The following KIAA1328 variants were observed in gnomAD, a reference collection of about 807,000 sequenced individuals.
KIAA1328 encodes protein hinderin.
In KIAA1328, 52 loss-of-function variants were observed where a neutral mutation model predicts 68.1. The observed-to-expected ratio is 0.76, with a 90% confidence interval of 0.61 to 0.96. The LOEUF is 0.96. Ranked by LOEUF, KIAA1328 falls within the 40% of genes least tolerant of loss-of-function variation. The pLI, the probability that KIAA1328 is intolerant of heterozygous loss-of-function variation, is 0.00. For synonymous variants in KIAA1328, 232 were observed against 239.4 expected, an observed-to-expected ratio of 0.97 and a Z score of 0.28; for missense variants, 641 against 677.6, an observed-to-expected ratio of 0.95 and a Z score of 0.60.
At chr18:36,978,222 GT>G (rs2052548097) in intron 6 of KIAA1328, among the ~76,000 whole-genome samples, 1 of 152,178 alleles carries the variant, frequency 6.6e-6, no homozygotes, top group Admixed American at 6.5e-5. Flanking sequence ...GACAACTACT[GT>G]GAAATGTTAT....
chr18:36,995,589 A>G (rs1420939847), intron 6 of KIAA1328, among the ~76,000 whole-genome samples: 1 of 152,194 alleles, frequency 6.6e-6, no homozygotes, highest in African/African-American at 2.4e-5. Context: ...ACAAGTTTCA[A>G]ATGAAAAAAT....
chr18:36,922,179 A>G (rs537281815), intron 5 of KIAA1328, among the ~76,000 whole-genome samples: 6 of 152,196 alleles, frequency 3.9e-5, no homozygotes, highest in Admixed American at 3.3e-4. Flanking sequence ...ATTTAATACT[A>G]TTCTTAGGTT....
chr18:37,073,139 G>A (rs992293659), intron 7 of KIAA1328, among the ~76,000 whole-genome samples: 1 of 152,216 alleles, frequency 6.6e-6, no homozygotes, highest in African/African-American at 2.4e-5. Context: ...GAAAGCAATT[G>A]CAACAGAAGC....
chr18:37,118,689 T>C (rs921630809), intron 7 of KIAA1328, among the ~76,000 whole-genome samples: 1 of 152,222 alleles, frequency 6.6e-6, no homozygotes, highest in Non-Finnish European at 1.5e-5. Context: ...TTGTGTCTCC[T>C]GTTGGAAGTA....
chr18:37,018,801 G>T (rs1302314454), intron 6 of KIAA1328, among the ~76,000 whole-genome samples: 4 of 151,266 alleles, frequency 2.6e-5, no homozygotes, highest in Admixed American at 6.6e-5. Context: ...TTTTTTTAAT[G>T]ATTTTTATGT....
chr18:36,912,431 A>T (rs1191158704), intron 5 of KIAA1328, among the ~76,000 whole-genome samples: 1 of 151,552 alleles, frequency 6.6e-6, no homozygotes, highest in Non-Finnish European at 1.5e-5. Flanking sequence ...CTTCTCTATT[A>T]TAAGGACTCC....
intron 5 of KIAA1328, chr18:36,924,054 C>T (rs2050025114): frequency 6.6e-6 from 1 of 152,008 alleles, no homozygotes; most frequent in Non-Finnish European, 1.5e-5. Context: ...TAGGGGACAC[C>T]AGCTAGGGTA....
chr18:36,850,258 G>T (rs1271107361), intron 4 of KIAA1328, among the ~76,000 whole-genome samples: 2 of 151,798 alleles, frequency 1.3e-5, no homozygotes, highest in Non-Finnish European at 1.5e-5. Context: ...TAAATGAGAT[G>T]GTTTTCTTAG....
Position 36,959,339 on chromosome 18 carries a change from A to G in KIAA1328, c.480A>G (p.Glu160=), listed in dbSNP as rs763504156. Residue 160 remains glutamate (E), a synonymous_variant, in exon 6 of 10, where the codon GAA becomes GAG. Coordinates refer to ENST00000280020, the MANE Select transcript of KIAA1328 (RefSeq NM_020776.3). ...AGCTACAGTATAGAGAATGCCAAGA[A>G]CTTCTAAGCCTGTATCAGAAATATT... is the stretch of plus-strand genomic sequence containing the variant. ...ALQLQYRECQ[E]LLSLYQKYLS... 1.2e-6 allele frequency: 2 copies of G among 1,603,162 alleles called. No individual in the cohort carries two copies. The highest frequency in any genetic ancestry group is 1.7e-5 in the Admixed American group (1 of 57,946).
At chr18:36,882,124 A>T (rs1436325034) in intron 4 of KIAA1328, among the ~76,000 whole-genome samples, 1 of 152,184 alleles carries the variant, frequency 6.6e-6, no homozygotes, top group East Asian at 1.9e-4. Flanking sequence ...CTTTTTTATT[A>T]ACAGTTTAAA....
intron 7 of KIAA1328, among the ~76,000 whole-genome samples, chr18:37,149,642 G>A (rs909928501): frequency 6.6e-6 from 1 of 152,042 alleles, no homozygotes. Flanking sequence ...TATAGAAAAG[G>A]TATAGTAAAA....
chr18:37,065,121 C>T (rs890483437), intron 6 of KIAA1328, among the ~76,000 whole-genome samples: 3 of 152,120 alleles, frequency 2.0e-5, no homozygotes, highest in African/African-American at 7.2e-5. Context: ...AAAAGTGAGA[C>T]TATTTCAGAG....
At chr18:37,138,794 G>A (rs2058700350) in intron 7 of KIAA1328, among the ~76,000 whole-genome samples, 1 of 151,944 alleles carries the variant, frequency 6.6e-6, no homozygotes, top group African/African-American at 2.4e-5. Flanking sequence ...TTACTCCTTT[G>A]TGTACCTCCA....
At chr18:36,846,727 T>G in intron 4 of KIAA1328, among the ~76,000 whole-genome samples, 1 of 151,558 alleles carries the variant, frequency 6.6e-6, no homozygotes, top group East Asian at 1.9e-4. Flanking sequence ...GTATATACTC[T>G]TTTACTGTCT....
In KIAA1328 at chr18:37,105,501, G is replaced by GAAA. The variant is rs376818867; in HGVS notation, c.1232+37974_1232+37976dup. Among the ~76,000 whole-genome samples, 166 of 100,326 alleles carry GAAA rather than the reference G, an allele frequency of 1.7e-3. 3 individuals are homozygous for GAAA. Among genetic ancestry groups the GAAA allele is most frequent in the South Asian group, 7.2e-4 (2 of 2,780 alleles). The allele number at this position is 100,326 out of a possible 152,430, so 65.8% of individuals were successfully genotyped here. On this transcript the variant is annotated intron_variant, in intron 7 of 9. Transcript: ENST00000280020. ...AGAATGAGACTCTGTCTTTTTGAAGGAAAAAAAAAAAAAAAAAAAAGAGCA... is the reference window on the plus strand; with the variant it reads ...AGAATGAGACTCTGTCTTTTTGAAGGAAAAAAAAAAAAAAAAAAAAAAAGAGCA...
chr18:37,123,549 A>G (rs2058321578), intron 7 of KIAA1328, among the ~76,000 whole-genome samples: 1 of 152,188 alleles, frequency 6.6e-6, no homozygotes, highest in Admixed American at 6.5e-5. Context: ...ATAAGGATGG[A>G]CATAAGAGAG....
intron 5 of KIAA1328, among the ~76,000 whole-genome samples, chr18:36,913,569 CTACTTAGAGGAAAGCAACTGCCTGCCCA>C (rs2049559464): frequency 6.8e-6 from 1 of 145,990 alleles, no homozygotes; most frequent in African/African-American, 2.6e-5. Flanking sequence ...CACACACACA[CTACTTAGAGGAAAGCAACTGCCTGCCCA>C]ACCTTGGACT....
In KIAA1328 at chr18:37,222,634, C is replaced by T. The variant is rs1458707797; in HGVS notation, c.*407C>T. 7.8e-6 allele frequency: 8 copies of T among 1,029,926 alleles called. No homozygotes were observed. The highest frequency in any genetic ancestry group is 1.7e-5 in the African/African-American group (1 of 57,848). 63.8% of individuals were successfully genotyped at this position (1,029,926 alleles called of 1,614,324 possible). A position where few individuals can be genotyped will look rare whatever the true frequency, so the allele number is the denominator to read the frequency against. On this transcript the variant is annotated 3_prime_UTR_variant, in exon 10 of 10. Transcript: ENST00000280020. Reference sequence around the variant, plus strand: ...AAAAATCCCTCTGATTTAAAAGTAACCCCTTTGAAACATAAGCAGTTTCAG... The same window carrying T: ...AAAAATCCCTCTGATTTAAAAGTAATCCCTTTGAAACATAAGCAGTTTCAG...
chr18:37,044,036 C>T (rs1568330582), intron 6 of KIAA1328, among the ~76,000 whole-genome samples: 1 of 152,168 alleles, frequency 6.6e-6, no homozygotes, highest in African/African-American at 2.4e-5. Context: ...TGTCAAACAT[C>T]GAGTGTAATA....
Sources: gnomAD v4.1 joint callset for allele counts (sites outside exome capture counted in the v4.1 genomes callset) on GRCh38, gnomAD v4.1.1 for gene constraint, MANE v1.5 for transcripts, NCBI Gene and HGNC (gene_info 2026-07-23, HGNC 2026-07-21) for gene names.